The following SMAD2 variants were observed in gnomAD, a reference collection of about 807,000 sequenced individuals.
SMAD2 encodes MAD homolog 2.
In SMAD2, 8 loss-of-function variants were observed where a neutral mutation model predicts 64.4. The observed-to-expected ratio is 0.12, with a 90% confidence interval of 0.07 to 0.22. SMAD2 has a LOEUF of 0.22. Ranked by LOEUF, SMAD2 falls within the 10% of genes least tolerant of loss-of-function variation. SMAD2 has a pLI of 1.00. For missense variants in SMAD2, 289 were observed against 561.2 expected (o/e 0.51, Z 4.90); for synonymous variants, 203 against 195.8 (o/e 1.04, Z -0.31).
intron 2 of SMAD2, among the ~76,000 whole-genome samples, chr18:47,886,582 T>C (rs868792107): frequency 7.1e-6 from 1 of 141,624 alleles, no homozygotes; most frequent in Non-Finnish European, 1.5e-5. Flanking sequence ...TCTATCTATC[T>C]ATCTATCTAT....
rs367967808 is a variant in SMAD2 at position 47,865,398 on chromosome 18, A to G, written c.656-265T>C. ...GTATCTTGCTCATTCCTATATGTAC[A>G]TATTCTGGGGCAAGAGCCAAAAACG... On this transcript the variant is annotated intron_variant, in intron 5 of 10. Transcript: ENST00000262160. 3.3e-5 allele frequency among the ~76,000 whole-genome samples: 5 copies of G among 152,320 alleles called. No individual in the cohort carries two copies. In the East Asian group the frequency reaches 9.6e-4, roughly 29 times the overall value.
chr18:47,922,258 A>G (rs1349394155), intron 1 of SMAD2, among the ~76,000 whole-genome samples: 1 of 152,246 alleles, frequency 6.6e-6, no homozygotes, highest in Non-Finnish European at 1.5e-5. Context: ...AATACTTTAA[A>G]TATGATGGTG....
At chr18:47,866,809 TA>T (rs540932589) in intron 5 of SMAD2, 1 of 152,188 alleles carries the variant, frequency 6.6e-6, no homozygotes, top group Non-Finnish European at 1.5e-5. Context: ...CAAATGGGTA[TA>T]ATCCACTTCT....
intron 1 of SMAD2, among the ~76,000 whole-genome samples, chr18:47,912,806 A>G (rs549901686): frequency 6.6e-6 from 1 of 151,376 alleles, no homozygotes; most frequent in Non-Finnish European, 1.5e-5. Flanking sequence ...TATTCCATTC[A>G]TAAGAATTTA....
intron 2 of SMAD2, among the ~76,000 whole-genome samples, chr18:47,881,224 G>T (rs952552979): frequency 6.6e-6 from 1 of 152,142 alleles, no homozygotes; most frequent in Non-Finnish European, 1.5e-5. Flanking sequence ...AGTCTGGTAA[G>T]AGCATACCTG....
intron 1 of SMAD2, among the ~76,000 whole-genome samples, chr18:47,918,476 A>T (rs1032260334): frequency 6.6e-6 from 1 of 152,224 alleles, no homozygotes; most frequent in African/African-American, 2.4e-5. Flanking sequence ...ATCCCTCTCC[A>T]GTGAAACTGA....
intron 2 of SMAD2, among the ~76,000 whole-genome samples, chr18:47,893,399 G>C (rs963945501): frequency 6.6e-6 from 1 of 152,216 alleles, no homozygotes; most frequent in East Asian, 1.9e-4. Context: ...CATTTCAACA[G>C]AAAACATTTG....
chr18:47,869,237 T>C lies in SMAD2; in HGVS notation c.520+6A>G, dbSNP rs2144377310. 6.2e-7 allele frequency: 1 copy of C among 1,608,560 alleles called. No individual in the cohort carries two copies. The highest frequency in any genetic ancestry group is 8.5e-7 in the Non-Finnish European group (1 of 1,175,178). ...AAACCAAGAAAAAAACTTGCAATAT[T>C]CCTACCTGGTGTCTCAACTCTCTGA... On this transcript the variant is annotated splice_donor_region_variant and intron_variant, in intron 4 of 10. Coordinates refer to ENST00000262160, the MANE Select transcript of SMAD2 (RefSeq NM_005901.6).
At chr18:47,910,726 T>C (rs1466004925) in intron 1 of SMAD2, among the ~76,000 whole-genome samples, 1 of 152,176 alleles carries the variant, frequency 6.6e-6, no homozygotes, top group Admixed American at 6.5e-5. Context: ...CCTTATGATT[T>C]TCTTAGTAGG....
At position 47,822,360 on chromosome 18, in the gene SMAD2, A is replaced by G. The variant is rs924744114; in HGVS notation, c.*19467T>C. The G allele has an allele frequency of 6.6e-5, 10 of 152,242 alleles. No individual in the cohort carries two copies. Among genetic ancestry groups the G allele is most frequent in the African/African-American group, 2.4e-4 (10 of 41,472 alleles). 9.4% of individuals were successfully genotyped at this position (152,242 alleles called of 1,614,324 possible). ...AAAAGATGCTAACACACTTTTAAATACAGGTTACTAATCACTTTAATACCA... is the reference window on the plus strand; with the variant it reads ...AAAAGATGCTAACACACTTTTAAATGCAGGTTACTAATCACTTTAATACCA... On this transcript the variant is annotated 3_prime_UTR_variant, in exon 11 of 11. Transcript: ENST00000262160.
chr18:47,851,299 A>T lies in SMAD2; in HGVS notation c.759T>A (p.Thr253=). The part of the protein sequence containing the change: ...TGSPAELSPT[T]LSPVNHSLDL... ...CCAAGCTATGATTAACAGGGGAAAGAGTAGTAGGAGATAGTTCTGCTGGAG... is the reference window on the plus strand; with the variant it reads ...CCAAGCTATGATTAACAGGGGAAAGTGTAGTAGGAGATAGTTCTGCTGGAG... The change falls in exon 7 of 11, where the codon ACT becomes ACA. Residue 253 remains threonine (T), a synonymous_variant. Transcript: ENST00000262160. The T allele has an allele frequency of 6.2e-7, 1 of 1,610,172 alleles. No homozygotes were observed. Among genetic ancestry groups the T allele is most frequent in the Non-Finnish European group, 8.5e-7 (1 of 1,176,794 alleles).
Position 47,870,526 on chromosome 18 carries a change from G to A in SMAD2, c.275C>T (p.Thr92Met), listed in dbSNP as rs984513669. The A allele has an allele frequency of 2.5e-6, 4 of 1,613,506 alleles. No homozygotes were observed. Among genetic ancestry groups the A allele is most frequent in the Admixed American group, 1.7e-5 (1 of 59,992 alleles). Residue 92 changes from threonine (T) to methionine (M), a missense_variant, in exon 3 of 11, where the codon ACG (threonine) becomes ATG (methionine). Physicochemically the swap from Thr to Met is moderately conservative, Grantham distance 81 (BLOSUM62 -1). Around this residue, in one of 6 missense-constraint regions of SMAD2, gnomAD observed 89 missense variants for 137.1 expected, o/e 0.65. Coordinates refer to ENST00000262160, the MANE Select transcript of SMAD2 (RefSeq NM_005901.6). ...GCCTGTTGTATCCCACTGATCTATC[G>A]TATTTGGTGTACTCAGTCCCCAAAT... ...SEIWGLSTPN[T>M]IDQWDTTGLY...
chr18:47,881,326 T>C (rs2032575765), intron 2 of SMAD2, among the ~76,000 whole-genome samples: 1 of 152,188 alleles, frequency 6.6e-6, no homozygotes, highest in African/African-American at 2.4e-5. Context: ...GTGTGTGTGT[T>C]TAATGTATTC....
intron 2 of SMAD2, among the ~76,000 whole-genome samples, chr18:47,884,442 T>C (rs1381839532): frequency 3.3e-5 from 5 of 152,176 alleles, no homozygotes; most frequent in African/African-American, 4.8e-5. Context: ...TTTTTAATTA[T>C]TAACATTATT....
At chr18:47,894,008 T>C (rs1280111773) in intron 2 of SMAD2, among the ~76,000 whole-genome samples, 2 of 152,136 alleles carry the variant, frequency 1.3e-5, no homozygotes, top group African/African-American at 4.8e-5. Context: ...GAATATGAGC[T>C]CTCAGAGATC....
intron 1 of SMAD2, among the ~76,000 whole-genome samples, chr18:47,920,496 T>G (rs1430529867): frequency 1.3e-5 from 2 of 152,234 alleles, no homozygotes; most frequent in Non-Finnish European, 2.9e-5. Flanking sequence ...TGGTGGCTAG[T>G]GGCTATCATA....
At chr18:47,910,301 A>G (rs2034077950) in intron 1 of SMAD2, among the ~76,000 whole-genome samples, 1 of 152,122 alleles carries the variant, frequency 6.6e-6, no homozygotes, top group South Asian at 2.1e-4. Flanking sequence ...CAGTGCTTCT[A>G]AACTAGCTCC....
intron 6 of SMAD2, among the ~76,000 whole-genome samples, chr18:47,864,070 A>G (rs961356783): frequency 6.6e-6 from 1 of 152,180 alleles, no homozygotes; most frequent in Non-Finnish European, 1.5e-5. Flanking sequence ...CACAGGCAAA[A>G]AAGAATATTA....
chr18:47,886,044 T>G (rs949841654), intron 2 of SMAD2, among the ~76,000 whole-genome samples: 1 of 152,212 alleles, frequency 6.6e-6, no homozygotes, highest in Admixed American at 6.5e-5. Flanking sequence ...ATAAGAGACT[T>G]GAGCGTCTCC....
Sources: gnomAD v4.1 joint callset for allele counts (sites outside exome capture counted in the v4.1 genomes callset) on GRCh38, gnomAD v4.1.1 for gene constraint, gnomAD v4.1.1 regional missense constraint, MANE v1.5 for transcripts, NCBI Gene and HGNC (gene_info 2026-07-23, HGNC 2026-07-21) for gene names.